The following PLEKHA5 variants were observed in gnomAD, a reference collection of about 807,000 sequenced individuals.
The protein encoded by PLEKHA5 is pleckstrin homology domain-containing family A member 5.
In PLEKHA5, 55 loss-of-function variants were observed where a neutral mutation model predicts 181.9. That is an observed-to-expected ratio of 0.30 (90% confidence interval 0.24 to 0.38). PLEKHA5 has a LOEUF of 0.38. Among genes scored for constraint, PLEKHA5 ranks in the 10% least tolerant of loss-of-function variants. PLEKHA5 has a pLI of 1.00. For synonymous variants in PLEKHA5, 535 were observed against 529.4 expected, an observed-to-expected ratio of 1.01 and a Z score of -0.15; for missense variants, 1,432 against 1,549.5, an observed-to-expected ratio of 0.92 and a Z score of 1.27.
intron 30 of PLEKHA5, 131 bp downstream of exon 30, chr12:19,366,240 C>T (rs2095418286): frequency 5.8e-6 from 4 of 695,200 alleles, no homozygotes; most frequent in Non-Finnish European, 7.3e-6. Flanking sequence ...CGTTTGCCTC[C>T]CCAAGTGTAC....
intron 3 of PLEKHA5, among the ~76,000 whole-genome samples, chr12:19,204,898 G>A (rs1464318377): frequency 1.3e-5 from 2 of 152,090 alleles, no homozygotes; most frequent in African/African-American, 4.8e-5. Flanking sequence ...AGTGAAATAA[G>A]GATAGTTTAT....
chr12:19,311,004 G>A (rs2086292344), intron 15 of PLEKHA5, among the ~76,000 whole-genome samples: 1 of 152,166 alleles, frequency 6.6e-6, no homozygotes, highest in Admixed American at 6.5e-5. Flanking sequence ...TGAAGGTTGG[G>A]ATAGCTGTGG....
At chr12:19,367,861 T>C (rs953434367) in intron 30 of PLEKHA5, among the ~76,000 whole-genome samples, 1 of 151,622 alleles carries the variant, frequency 6.6e-6, no homozygotes, top group Non-Finnish European at 1.5e-5. Flanking sequence ...GCTGGGATTA[T>C]AGGCATGAGC....
At position 19,194,044 on chromosome 12, in the gene PLEKHA5, G is replaced by A. The variant is rs143855909; in HGVS notation, c.228-59896G>A. Reference sequence around the variant, plus strand: ...GCCATGACCCAAACACCTCCCACCAGGCCTCACCTCCAACATTGGGGATTG... The same window carrying A: ...GCCATGACCCAAACACCTCCCACCAAGCCTCACCTCCAACATTGGGGATTG... On this transcript the variant is annotated intron_variant, in intron 3 of 31. Coordinates refer to ENST00000429027, the MANE Select transcript of PLEKHA5 (RefSeq NM_001256470.2). 1.3e-3 allele frequency among the ~76,000 whole-genome samples: 195 copies of A among 152,222 alleles called. 1 individual carries two copies. The highest frequency in any genetic ancestry group is 4.5e-3 in the African/African-American group (185 of 41,536).
intron 11 of PLEKHA5, among the ~76,000 whole-genome samples, chr12:19,278,968 T>A (rs1157399474): frequency 6.6e-6 from 1 of 152,086 alleles, no homozygotes; most frequent in Non-Finnish European, 1.5e-5. Context: ...GGAGAAACGG[T>A]TGAAAGAATT....
intron 3 of PLEKHA5, chr12:19,151,694 T>C (rs1035646974): frequency 2.0e-5 from 3 of 152,118 alleles, no homozygotes; most frequent in Non-Finnish European, 2.9e-5. Flanking sequence ...GTAAACTCTT[T>C]AGAGATGGAA....
At chr12:19,273,404 T>C (rs1410000344) in intron 10 of PLEKHA5, among the ~76,000 whole-genome samples, 1 of 152,104 alleles carries the variant, frequency 6.6e-6, no homozygotes, top group Non-Finnish European at 1.5e-5. Context: ...CCAAAGCTTC[T>C]AGATATCTTC....
intron 20 of PLEKHA5, among the ~76,000 whole-genome samples, chr12:19,328,552 C>A (rs2092494726): frequency 7.6e-6 from 1 of 132,446 alleles, no homozygotes. Flanking sequence ...TAGATGCTTT[C>A]CTAGGAGTGT....
chr12:19,192,081 T>C (rs1226363630), intron 3 of PLEKHA5, among the ~76,000 whole-genome samples: 1 of 152,184 alleles, frequency 6.6e-6, no homozygotes, highest in Admixed American at 6.5e-5. Flanking sequence ...TACCATACTT[T>C]AAAAGGATAT....
intron 15 of PLEKHA5, among the ~76,000 whole-genome samples, chr12:19,292,251 C>CAA (rs1280133918): frequency 2.0e-5 from 3 of 152,064 alleles, no homozygotes; most frequent in Non-Finnish European, 4.4e-5. Context: ...ACTAAAAATA[C>CAA]AAAAATGAGC....
At chr12:19,284,517 G>A (rs1452255833) in intron 12 of PLEKHA5, among the ~76,000 whole-genome samples, 1 of 152,132 alleles carries the variant, frequency 6.6e-6, no homozygotes, top group Non-Finnish European at 1.5e-5. Flanking sequence ...TGAATATATG[G>A]CATATTGAGA....
At chr12:19,213,717 T>C (rs1181239953) in intron 3 of PLEKHA5, among the ~76,000 whole-genome samples, 2 of 152,098 alleles carry the variant, frequency 1.3e-5, no homozygotes, top group African/African-American at 4.8e-5. Context: ...GAAATAGAGA[T>C]AGATCAATAC....
chr12:19,290,313 A>C (rs1453154056), intron 13 of PLEKHA5, among the ~76,000 whole-genome samples: 9 of 152,116 alleles, frequency 5.9e-5, no homozygotes, highest in African/African-American at 2.2e-4. Context: ...AAAAGGTGTA[A>C]TTTTTTTAGA....
intron 6 of PLEKHA5, among the ~76,000 whole-genome samples, chr12:19,259,247 A>G (rs951888347): frequency 1.6e-4 from 25 of 151,976 alleles, no homozygotes; most frequent in African/African-American, 6.0e-4. Context: ...GTGCATCTGT[A>G]GTCCCAGCTA....
intron 28 of PLEKHA5, 24 bp downstream of exon 28, chr12:19,359,570 GTATT>G: frequency 1.9e-6 from 3 of 1,604,978 alleles, no homozygotes; most frequent in Non-Finnish European, 2.6e-6. Context: ...TTTATGAAAG[GTATT>G]CCAAAGGAAT....
intron 22 of PLEKHA5, among the ~76,000 whole-genome samples, chr12:19,345,497 C>T (rs753647329): frequency 3.2e-4 from 48 of 151,968 alleles, no homozygotes; most frequent in Non-Finnish European, 5.4e-4. Flanking sequence ...GACGCCATGG[C>T]TCACGCCTGT....
At chr12:19,254,527 A>G (rs1041121995) in intron 4 of PLEKHA5, among the ~76,000 whole-genome samples, 3 of 152,194 alleles carry the variant, frequency 2.0e-5, no homozygotes, top group African/African-American at 4.8e-5. Context: ...CCTATTATAA[A>G]TAAACATGAT....
At chr12:19,214,611 A>C (rs902699806) in intron 3 of PLEKHA5, among the ~76,000 whole-genome samples, 1 of 152,128 alleles carries the variant, frequency 6.6e-6, no homozygotes, top group East Asian at 1.9e-4. Flanking sequence ...ATCCAGCGAC[A>C]TATGATGGAG....
At chr12:19,340,483 T>C (rs1212693258) in intron 21 of PLEKHA5, among the ~76,000 whole-genome samples, 1 of 141,580 alleles carries the variant, frequency 7.1e-6, no homozygotes, top group Admixed American at 7.2e-5. Context: ...CGGGCCATGA[T>C]GACAATGGCG....
Sources: gnomAD v4.1 joint callset for allele counts (sites outside exome capture counted in the v4.1 genomes callset) on GRCh38, gnomAD v4.1.1 for gene constraint, MANE v1.5 for transcripts, NCBI Gene and HGNC (gene_info 2026-07-23, HGNC 2026-07-21) for gene names.